Variants in FBXL19 observed in about 807,000 individuals in gnomAD.
FBXL19 encodes F-box/LRR-repeat protein 19.
FBXL19 carries 16 observed loss-of-function variants against 71.2 expected under a neutral mutation model. The observed-to-expected ratio is 0.22, with a 90% CI of 0.15 to 0.34. The LOEUF (loss-of-function observed/expected upper bound fraction) is 0.34. Ranked by LOEUF, FBXL19 falls within the 10% of genes least tolerant of loss-of-function variation. FBXL19 has a pLI of 1.00. For synonymous variants in FBXL19, 447 were observed against 409.4 expected (o/e 1.09, Z -1.11); for missense variants, 658 against 968.2 (o/e 0.68, Z 4.25).
chr16:30,932,860 T>G (rs1340248769), intron 7 of FBXL19, among the ~76,000 whole-genome samples: 1 of 148,748 alleles, frequency 6.7e-6, no homozygotes, highest in Non-Finnish European at 1.5e-5. Flanking sequence ...TTTTTTTTTT[T>G]GACAGAGCCT....
intron 7 of FBXL19, among the ~76,000 whole-genome samples, chr16:30,934,871 C>A (rs1174963811): frequency 6.6e-6 from 1 of 152,126 alleles, no homozygotes; most frequent in East Asian, 1.9e-4. Context: ...GAGAAAGATA[C>A]ACGTTTGGGA....
At position 30,930,691 on chromosome 16, in the gene FBXL19, G is replaced by A; in HGVS notation, c.1301+107G>A. Reference sequence around the variant, plus strand: ...CTCTGGGCCTTGCTTTTATATTGGGGATACTTCTCTAGTATGCACAGATTA... The same window carrying A: ...CTCTGGGCCTTGCTTTTATATTGGGAATACTTCTCTAGTATGCACAGATTA... On this transcript the variant is annotated intron_variant, in intron 7 of 10. Transcript: ENST00000338343. This position sits in a 1 kb window ranked among gnomAD's most constrained non-coding sequence, Gnocchi z 8.5. 10 of 1,227,710 alleles carry A rather than the reference G, an allele frequency of 8.1e-6. No individual in the cohort carries two copies. The highest frequency in any genetic ancestry group is 1.1e-5 in the Non-Finnish European group (10 of 937,260). The allele number at this position is 1,227,710 out of a possible 1,614,324, so 76.1% of individuals were successfully genotyped here. A position where few individuals can be genotyped will look rare whatever the true frequency, so the allele number is the denominator to read the frequency against.
At chr16:30,934,530 C>T (rs1321140487) in intron 7 of FBXL19, among the ~76,000 whole-genome samples, 2 of 151,784 alleles carry the variant, frequency 1.3e-5, no homozygotes, top group South Asian at 2.1e-4. Context: ...TGGTGGTGGG[C>T]GCCTGTAATT....
chr16:30,925,672 G>C lies in FBXL19; in HGVS notation c.-24-59G>C. The C allele has an allele frequency of 1.4e-6, 2 of 1,431,796 alleles. No homozygotes were observed. The highest frequency in any genetic ancestry group is 1.8e-6 in the Non-Finnish European group (2 of 1,103,372). 88.7% of individuals were successfully genotyped at this position (1,431,796 alleles called of 1,614,324 possible). On this transcript the variant is annotated intron_variant, in intron 1 of 10. Coordinates refer to ENST00000338343, the MANE Select transcript of FBXL19 (RefSeq NM_001382779.1). The surrounding 1 kb of genome is among the most constrained non-coding windows in gnomAD (Gnocchi z 5.0). ...GCCTGTAGGTGGAGGGACCTGTCAG[G>C]GGTCTCCCAGGCCAGGGCCCCAGTG...
rs1442795671 is a variant in FBXL19 at position 30,930,698 on chromosome 16, C to G, written c.1301+114C>G. The stretch of plus-strand genomic sequence containing the variant: ...CCTTGCTTTTATATTGGGGATACTT[C>G]TCTAGTATGCACAGATTACAGTGCA... On this transcript the variant is annotated intron_variant, in intron 7 of 10. Coordinates refer to ENST00000338343, the MANE Select transcript of FBXL19 (RefSeq NM_001382779.1). This position sits in a 1 kb window ranked among gnomAD's most constrained non-coding sequence, Gnocchi z 8.5. The G allele has an allele frequency of 4.3e-6, 5 of 1,157,702 alleles. No homozygotes were observed. The highest frequency in any genetic ancestry group is 1.6e-5 in the African/African-American group (1 of 61,426). The allele number at this position is 1,157,702 out of a possible 1,614,324, so 71.7% of individuals were successfully genotyped here. A position where few individuals can be genotyped will look rare whatever the true frequency, so the allele number is the denominator to read the frequency against.
In FBXL19 at chr16:30,930,032, AT is replaced by A; in HGVS notation, c.790-40del. 1 of 1,577,882 alleles carries A rather than the reference AT, an allele frequency of 6.3e-7. No homozygotes were observed. The highest frequency in any genetic ancestry group is 8.6e-7 in the Non-Finnish European group (1 of 1,159,332). On this transcript the variant is annotated intron_variant, in intron 6 of 10. Transcript: ENST00000338343. The surrounding 1 kb of genome is among the most constrained non-coding windows in gnomAD (Gnocchi z 8.5). The stretch of plus-strand genomic sequence containing the variant: ...TCGGGGTAGGGGGGTGGGAAAATGT[AT>A]CCCAGGCCCTAGAACAGCATCAACC...
At chr16:30,937,449 A>G (rs1319323243) in intron 7 of FBXL19, among the ~76,000 whole-genome samples, 1 of 151,870 alleles carries the variant, frequency 6.6e-6, no homozygotes, top group African/African-American at 2.4e-5. Flanking sequence ...CGGACTGTCC[A>G]TGTCTCCCTG....
chr16:30,930,050 G>A lies in FBXL19; in HGVS notation c.790-23G>A, dbSNP rs1424767509. On this transcript the variant is annotated intron_variant, in intron 6 of 10. Coordinates refer to ENST00000338343, the MANE Select transcript of FBXL19 (RefSeq NM_001382779.1). The surrounding 1 kb of genome is among the most constrained non-coding windows in gnomAD (Gnocchi z 8.5). ...AAAATGTATCCCAGGCCCTAGAACA[G>A]CATCAACCCTGTCTCCCTGCAGAAA... The A allele has an allele frequency of 1.9e-6, 3 of 1,602,802 alleles. No individual in the cohort carries two copies.
chr16:30,947,280 G>C lies in FBXL19; in HGVS notation c.*50G>C. On this transcript the variant is annotated 3_prime_UTR_variant, in exon 11 of 11. Transcript: ENST00000338343. ...GACTCGACAGGAGCCTGGACCTCCGGCTTCATTTCACCCCTGCTGGGAGGC... is the reference window on the plus strand; with the variant it reads ...GACTCGACAGGAGCCTGGACCTCCGCCTTCATTTCACCCCTGCTGGGAGGC... 1 of 1,441,032 alleles carries C rather than the reference G, an allele frequency of 6.9e-7. No individual in the cohort carries two copies. The highest frequency in any genetic ancestry group is 9.2e-7 in the Non-Finnish European group (1 of 1,083,042). 89.3% of individuals were successfully genotyped at this position (1,441,032 alleles called of 1,614,324 possible).
intron 7 of FBXL19, among the ~76,000 whole-genome samples, chr16:30,941,125 G>A (rs1430357936): frequency 6.6e-6 from 1 of 152,204 alleles, no homozygotes; most frequent in East Asian, 1.9e-4. Flanking sequence ...TGTAGATGAG[G>A]AGGTGGGGGA....
Position 30,942,051 on chromosome 16 carries a change from C to G in FBXL19, c.1302-65C>G. The G allele has an allele frequency of 2.1e-6, 3 of 1,448,700 alleles. No individual in the cohort carries two copies. The highest frequency in any genetic ancestry group is 2.7e-6 in the Non-Finnish European group (3 of 1,094,682). The allele number at this position is 1,448,700 out of a possible 1,614,324, so 89.7% of individuals were successfully genotyped here. On this transcript the variant is annotated intron_variant, in intron 7 of 10. Coordinates refer to ENST00000338343, the MANE Select transcript of FBXL19 (RefSeq NM_001382779.1). This position sits in a 1 kb window ranked among gnomAD's most constrained non-coding sequence, Gnocchi z 5.7. ...GGGGTGCACCCTTGGAGCTGGGGAG[C>G]CTGGGAACTGTGGGCTGCTGAGAGC...
intron 7 of FBXL19, among the ~76,000 whole-genome samples, chr16:30,935,685 G>A (rs1374118760): frequency 3.9e-5 from 6 of 152,128 alleles, no homozygotes; most frequent in Non-Finnish European, 8.8e-5. Flanking sequence ...CCTAGGGGCC[G>A]TGAGCCTTCA....
chr16:30,932,031 G>A (rs935154958), intron 7 of FBXL19, among the ~76,000 whole-genome samples: 30 of 152,048 alleles, frequency 2.0e-4, no homozygotes, highest in Admixed American at 1.6e-3. Flanking sequence ...ATGAGCTACC[G>A]GTTATGGTTA....
chr16:30,939,536 C>G (rs532385772), intron 7 of FBXL19, among the ~76,000 whole-genome samples: 17 of 151,294 alleles, frequency 1.1e-4, no homozygotes, highest in Non-Finnish European at 2.1e-4. Flanking sequence ...GCCTCAGCCT[C>G]CCGAGTATCT....
intron 2 of FBXL19, among the ~76,000 whole-genome samples, chr16:30,926,264 T>C (rs1339884089): frequency 6.6e-6 from 1 of 152,122 alleles, no homozygotes; most frequent in Non-Finnish European, 1.5e-5. Flanking sequence ...GATGGCCCCC[T>C]TCCAACAGGT....
chr16:30,933,750 C>CTGT, intron 7 of FBXL19, among the ~76,000 whole-genome samples: 1 of 150,400 alleles, frequency 6.6e-6, no homozygotes, highest in Non-Finnish European at 1.5e-5. Flanking sequence ...TGCGCCCGGC[C>CTGT]AAGAACTTTT....
chr16:30,944,188 T>C (rs898747402), intron 9 of FBXL19, among the ~76,000 whole-genome samples: 2 of 149,610 alleles, frequency 1.3e-5, no homozygotes, highest in Non-Finnish European at 3.0e-5. Flanking sequence ...TTTTTTTTTT[T>C]TTTTTTTTAG....
chr16:30,947,002 C>T, intron 10 of FBXL19, 50 bp from the exon 11 acceptor site: 1 of 1,577,012 alleles, frequency 6.3e-7, no homozygotes, highest in Non-Finnish European at 8.6e-7. Flanking sequence ...ACGGCCAGTG[C>T]CAACCCCTTG....
In FBXL19 at chr16:30,924,582, T is replaced by C. The variant is rs1228893638; in HGVS notation, c.-25+123T>C. On this transcript the variant is annotated intron_variant, in intron 1 of 10. Coordinates refer to ENST00000338343, the MANE Select transcript of FBXL19 (RefSeq NM_001382779.1). Reference sequence around the variant, plus strand: ...TCACCCTCTCTCTACTCCAAACTCATCTCCAGCCCTCCTTCCTATGACCTC... The same window carrying C: ...TCACCCTCTCTCTACTCCAAACTCACCTCCAGCCCTCCTTCCTATGACCTC... 42 of 1,342,816 alleles carry C rather than the reference T, an allele frequency of 3.1e-5. No individual in the cohort carries two copies. The East Asian group carries it at 1.2e-3, about 39-fold the overall frequency. 83.2% of individuals were successfully genotyped at this position (1,342,816 alleles called of 1,614,324 possible).
Sources: gnomAD v4.1 joint callset for allele counts (sites outside exome capture counted in the v4.1 genomes callset) on GRCh38, gnomAD v4.1.1 for gene constraint, Gnocchi (gnomAD v3.1) non-coding constraint, MANE v1.5 for transcripts, NCBI Gene and HGNC (gene_info 2026-07-23, HGNC 2026-07-21) for gene names.